The following IDI2 variants were observed in gnomAD, a reference collection of about 807,000 sequenced individuals.
The protein encoded by IDI2 is isopentenyl-diphosphate delta-isomerase 2.
IDI2 carries 18 observed loss-of-function variants against 14.8 expected under a neutral mutation model. The observed-to-expected ratio is 1.22, with a 90% CI of 0.84 to 1.80. The LOEUF (loss-of-function observed/expected upper bound fraction) is 1.80, where lower values mean the gene tolerates loss of function less well. Among genes scored for constraint, IDI2 ranks in the 40% most tolerant of loss-of-function variants. The pLI is 0.00. For synonymous variants in IDI2, 133 were observed against 109.6 expected (o/e 1.21, Z -1.33); for missense variants, 316 against 283.2 (o/e 1.12, Z -0.83).
intron 1 of IDI2, 57 bp from the exon 2 acceptor site, chr10:1,024,801 T>C (rs1832183835): frequency 6.4e-7 from 1 of 1,566,084 alleles, no homozygotes; most frequent in African/African-American, 1.4e-5. Context: ...ATCTCGTTTT[T>C]GCTATGTGTT....
chr10:1,024,124 A>G (rs1226771749), intron 2 of IDI2, among the ~76,000 whole-genome samples: 2 of 152,200 alleles, frequency 1.3e-5, no homozygotes, highest in Non-Finnish European at 2.9e-5. Context: ...ACTGCACACA[A>G]CACCCAAGGA....
At chr10:1,019,956 T>TC in intron 4 of IDI2, 122 bp from the exon 5 acceptor site, 5 of 820,214 alleles carry the variant, frequency 6.1e-6, no homozygotes, top group Non-Finnish European at 7.7e-6. Context: ...TGGTAATTGA[T>TC]AATTTCCAAA....
intron 2 of IDI2, among the ~76,000 whole-genome samples, chr10:1,023,670 G>C (rs1293133236): frequency 6.6e-5 from 10 of 152,278 alleles, no homozygotes; most frequent in Admixed American, 4.6e-4. Context: ...GGCTGCGAAG[G>C]GCAGTGGGGA....
chr10:1,019,773 A>G lies in IDI2; in HGVS notation c.428T>C (p.Ile143Thr). The G allele has an allele frequency of 6.2e-7, 1 of 1,613,966 alleles. No individual in the cohort carries two copies. The highest frequency in any genetic ancestry group is 8.5e-7 in the Non-Finnish European group (1 of 1,179,944). The change falls in exon 5 of 5, where the codon ATT (isoleucine) becomes ACT (threonine). Residue 143 changes from isoleucine (I) to threonine (T), a missense_variant. Coordinates refer to ENST00000277517, the MANE Select transcript of IDI2 (RefSeq NM_033261.3). ...GTAACAAATTTCATGCTCTCCCCAAATTCTGTCTGATTTTGCCTTGTGGTG... is the reference window on the plus strand; with the variant it reads ...GTAACAAATTTCATGCTCTCCCCAAGTTCTGTCTGATTTTGCCTTGTGGTG... ...IYHHKAKSDR[I>T]WGEHEICYLL...
chr10:1,023,562 C>A (rs1339435690), intron 2 of IDI2, among the ~76,000 whole-genome samples: 1 of 151,758 alleles, frequency 6.6e-6, no homozygotes, highest in South Asian at 2.1e-4. Context: ...GTGGAACAAA[C>A]CTGGCACAGA....
rs1231228880 is a variant in IDI2 at position 1,022,718 on chromosome 10, A to G, written c.200T>C (p.Ile67Thr). Residue 67 changes from isoleucine (I) to threonine (T), a missense_variant, in exon 3 of 5, where the codon ATA becomes ACA. Coordinates refer to ENST00000277517, the MANE Select transcript of IDI2 (RefSeq NM_033261.3). Reference protein sequence around the residue: ...VLFNTKNRILIQQRSDTKVTF... With the variant: ...VLFNTKNRILTQQRSDTKVTF... ...GACTTTCGTGTCCGACCTCTGCTGT[A>G]TCAGGATTCGATTCTTGGTGTTAAA... The G allele has an allele frequency of 1.9e-6, 3 of 1,614,036 alleles. No individual in the cohort carries two copies. In the East Asian group the frequency reaches 6.7e-5, roughly 36 times the overall value.
At chr10:1,020,300 G>A (rs971264396) in intron 4 of IDI2, among the ~76,000 whole-genome samples, 33 of 151,082 alleles carry the variant, frequency 2.2e-4, no homozygotes, top group African/African-American at 8.0e-4. Context: ...CCGGCTCACT[G>A]CAACCTCTGA....
Position 1,019,359 on chromosome 10 carries a change from T to C in IDI2, c.*158A>G, listed in dbSNP as rs1832047155. ...ATAAGGAAAAGGGAAAATGAAGATA[T>C]GACAAAGTTGATGAAAAGGTTGAAA... On this transcript the variant is annotated 3_prime_UTR_variant, in exon 5 of 5. Coordinates refer to ENST00000277517, the MANE Select transcript of IDI2 (RefSeq NM_033261.3). 1.8e-6 allele frequency: 1 copy of C among 567,820 alleles called. No homozygotes were observed. Among genetic ancestry groups the C allele is most frequent in the South Asian group, 2.5e-5 (1 of 39,246 alleles). 35.2% of individuals were successfully genotyped at this position (567,820 alleles called of 1,614,324 possible). A position where few individuals can be genotyped will look rare whatever the true frequency, so the allele number is the denominator to read the frequency against.
chr10:1,022,148 A>G (rs1259878435), intron 3 of IDI2, among the ~76,000 whole-genome samples: 1 of 152,050 alleles, frequency 6.6e-6, no homozygotes, highest in Non-Finnish European at 1.5e-5. Flanking sequence ...AGTCCCAGCT[A>G]CTTGGGAGGC....
chr10:1,021,432 C>T (rs750825623), intron 3 of IDI2, among the ~76,000 whole-genome samples: 1 of 152,220 alleles, frequency 6.6e-6, no homozygotes, highest in Non-Finnish European at 1.5e-5. Context: ...ACAGCAATAG[C>T]GCTATGACGG....
chr10:1,020,707 G>T, intron 4 of IDI2, 60 bp downstream of exon 4: 2 of 1,391,064 alleles, frequency 1.4e-6, no homozygotes, highest in East Asian at 2.6e-5. Flanking sequence ...TTTGTTCACC[G>T]TCTGCCCGCT....
chr10:1,020,684 A>AGC, intron 4 of IDI2, 83 bp downstream of exon 4: 2 of 1,406,096 alleles, frequency 1.4e-6, no homozygotes, highest in Non-Finnish European at 1.9e-6. Context: ...AATGGTGTAG[A>AGC]TCCAGCCTGG....
intron 4 of IDI2, 31 bp downstream of exon 4, chr10:1,020,736 G>C: frequency 6.3e-7 from 1 of 1,587,696 alleles, no homozygotes; most frequent in Non-Finnish European, 8.6e-7. Context: ...GGACTCCCGT[G>C]GACACAGCTG....
At chr10:1,020,094 A>G (rs1832065014) in intron 4 of IDI2, among the ~76,000 whole-genome samples, 1 of 152,128 alleles carries the variant, frequency 6.6e-6, no homozygotes, top group Non-Finnish European at 1.5e-5. Context: ...ACACATCCTC[A>G]ACAGAAAACC....
At chr10:1,023,205 G>T (rs1373680673) in intron 2 of IDI2, among the ~76,000 whole-genome samples, 1 of 152,182 alleles carries the variant, frequency 6.6e-6, no homozygotes, top group Admixed American at 6.5e-5. Flanking sequence ...GCCGGGTGCG[G>T]TGGCTCACGC....
chr10:1,024,585 T>G lies in IDI2; in HGVS notation c.139A>C (p.Lys47Gln). ...RNCHLNENIE[K>Q]GLLHRAFSVV... ...AGAGAAAATGGGCGGGGGCTACCTT[T>G]CTCAATGTTTTCGTTCAGATGGCAA... Residue 47 changes from lysine (K) to glutamine (Q), a missense_variant, in exon 2 of 5, where the codon AAA (lysine) becomes CAA (glutamine). By Grantham distance (53) the Lys-to-Gln change is moderately conservative. Coordinates refer to ENST00000277517, the MANE Select transcript of IDI2 (RefSeq NM_033261.3). 6.2e-7 allele frequency: 1 copy of G among 1,613,900 alleles called. No individual in the cohort carries two copies. Among genetic ancestry groups the G allele is most frequent in the South Asian group, 1.1e-5 (1 of 91,056 alleles).
chr10:1,019,476 A>G lies in IDI2; in HGVS notation c.*41T>C. On this transcript the variant is annotated 3_prime_UTR_variant, in exon 5 of 5. Coordinates refer to ENST00000277517, the MANE Select transcript of IDI2 (RefSeq NM_033261.3). ...TTGCCTCAATGGTGCGTCTGCCTGC[A>G]CTGAGGGCATTACACATGGCTGACT... The G allele has an allele frequency of 1.3e-6, 2 of 1,534,740 alleles. No homozygotes were observed. The highest frequency in any genetic ancestry group is 1.8e-6 in the Non-Finnish European group (2 of 1,125,100).
chr10:1,023,645 A>G (rs1457457828), intron 2 of IDI2, among the ~76,000 whole-genome samples: 1 of 152,188 alleles, frequency 6.6e-6, no homozygotes, highest in East Asian at 1.9e-4. Context: ...AGAAAACACA[A>G]TGCTAGACAC....
At position 1,024,752 on chromosome 10, in the gene IDI2, A is replaced by G. The variant is rs374800575; in HGVS notation, c.-21-8T>C. On this transcript the variant is annotated splice_polypyrimidine_tract_variant and splice_region_variant and intron_variant, in intron 1 of 4. Coordinates refer to ENST00000277517, the MANE Select transcript of IDI2 (RefSeq NM_033261.3). ...TGCTGGCTGTGACCCGACCTGAAATAGATGCACACAAATGCCTCTTTATGT... is the reference window on the plus strand; with the variant it reads ...TGCTGGCTGTGACCCGACCTGAAATGGATGCACACAAATGCCTCTTTATGT... 546 of 1,613,076 alleles carry G rather than the reference A, an allele frequency of 3.4e-4. 1 individual carries two copies. Among genetic ancestry groups the G allele is most frequent in the Non-Finnish European group, 4.5e-4 (531 of 1,179,698 alleles).
Sources: gnomAD v4.1 joint callset for allele counts (sites outside exome capture counted in the v4.1 genomes callset) on GRCh38, gnomAD v4.1.1 for gene constraint, MANE v1.5 for transcripts, NCBI Gene and HGNC (gene_info 2026-07-23, HGNC 2026-07-21) for gene names.